Variants in BLTP3A observed in about 807,000 individuals in gnomAD.
BLTP3A encodes the protein bridge-like lipid transfer protein family member 3A.
the BLTP3A span, chr6:34,864,070 T>G: frequency 1.2e-6 from 2 of 1,614,034 alleles, no homozygotes; most frequent in Non-Finnish European, 8.5e-7. Flanking sequence ...CGACTCCGAT[T>G]TTTCTCCATG....
chr6:34,819,805 A>T, the BLTP3A span, among the ~76,000 whole-genome samples: 1 of 152,228 alleles, frequency 6.6e-6, no homozygotes, highest in Non-Finnish European at 1.5e-5. Context: ...GGACTGGAGC[A>T]GTGAGAAATA....
the BLTP3A span, chr6:34,871,616 A>G: frequency 1.2e-6 from 2 of 1,613,750 alleles, no homozygotes; most frequent in Middle Eastern, 1.7e-4. Context: ...CAACATCTCC[A>G]GGCCCCATCC....
chr6:34,851,303 A>C, the BLTP3A span, among the ~76,000 whole-genome samples: 2 of 152,282 alleles, frequency 1.3e-5, no homozygotes, highest in East Asian at 3.9e-4. Flanking sequence ...CCAAGTATTC[A>C]AAAGGAATTG....
At chr6:34,852,635 G>C in the BLTP3A span, among the ~76,000 whole-genome samples, 1 of 151,530 alleles carries the variant, frequency 6.6e-6, no homozygotes, top group Non-Finnish European at 1.5e-5. Flanking sequence ...GCATGGGGTT[G>C]GGGGAGGGGT....
At chr6:34,859,021 G>A in the BLTP3A span, 217 of 1,614,166 alleles carry the variant, frequency 1.3e-4, no homozygotes, top group Middle Eastern at 1.5e-3. Flanking sequence ...TCCTGCACCC[G>A]GTGCTGTCGA....
the BLTP3A span, among the ~76,000 whole-genome samples, chr6:34,863,338 C>T: frequency 6.6e-6 from 1 of 152,124 alleles, no homozygotes; most frequent in Admixed American, 6.5e-5. Context: ...CTTTATCTTC[C>T]ATTGCTCTCC....
At chr6:34,798,594 C>CTTTCTTTTTTTTTTT in the BLTP3A span, among the ~76,000 whole-genome samples, 8 of 94,498 alleles carry the variant, frequency 8.5e-5, no homozygotes, top group Non-Finnish European at 1.4e-4. Context: ...TTCTTTCTTT[C>CTTTCTTTTTTTTTTT]TTTTTTTTTT....
At chr6:34,859,247 T>C in the BLTP3A span, 3 of 1,613,938 alleles carry the variant, frequency 1.9e-6, no homozygotes, top group African/African-American at 4.0e-5. Flanking sequence ...GCCCAGCAGC[T>C]GGCAGGGAAG....
the BLTP3A span, among the ~76,000 whole-genome samples, chr6:34,816,374 G>A: frequency 5.3e-5 from 7 of 130,842 alleles, no homozygotes; most frequent in African/African-American, 1.7e-4. Flanking sequence ...GGAGGCTGAG[G>A]TGGGAGGATT....
the BLTP3A span, among the ~76,000 whole-genome samples, chr6:34,835,060 G>A: frequency 1.3e-5 from 2 of 152,092 alleles, no homozygotes; most frequent in Non-Finnish European, 2.9e-5. Context: ...TTTGGAAACT[G>A]CAATTTTTAC....
the BLTP3A span, among the ~76,000 whole-genome samples, chr6:34,851,439 A>T: frequency 6.6e-6 from 1 of 152,112 alleles, no homozygotes; most frequent in Non-Finnish European, 1.5e-5. Context: ...AATTCCCTGT[A>T]TTACCAGGCA....
chr6:34,866,360 G>A, the BLTP3A span, among the ~76,000 whole-genome samples: 5 of 151,166 alleles, frequency 3.3e-5, no homozygotes, highest in South Asian at 2.1e-4. Flanking sequence ...CCGAGATCAC[G>A]CCATTGCACT....
chr6:34,876,312 G>A, the BLTP3A span: 1 of 152,142 alleles, frequency 6.6e-6, no homozygotes, highest in African/African-American at 2.4e-5. Context: ...GAAAGGACTG[G>A]CTCCCGTGTG....
the BLTP3A span, chr6:34,857,342 GACAGCCAAGTAAAAAGCCATCT>G: frequency 6.2e-7 from 1 of 1,612,176 alleles, no homozygotes; most frequent in Non-Finnish European, 8.5e-7. Context: ...TCCACCGCTG[GACAGCCAAGTAAAAAGCCATCT>G]ACACTCCTTT....
At chr6:34,810,216 C>T in the BLTP3A span, among the ~76,000 whole-genome samples, 1 of 152,148 alleles carries the variant, frequency 6.6e-6, no homozygotes, top group Non-Finnish European at 1.5e-5. Flanking sequence ...TCATTAGTGG[C>T]ACATTGTGTG....
At chr6:34,857,069 T>C in the BLTP3A span, 3 of 1,217,850 alleles carry the variant, frequency 2.5e-6, no homozygotes, top group South Asian at 3.2e-5. Flanking sequence ...TCTGTTTCTT[T>C]CTGAGCATGG....
the BLTP3A span, among the ~76,000 whole-genome samples, chr6:34,799,747 A>G: frequency 6.6e-6 from 1 of 152,222 alleles, no homozygotes; most frequent in Non-Finnish European, 1.5e-5. Flanking sequence ...CTTCATCTGT[A>G]AAATGGGCAT....
chr6:34,832,716 C>T, the BLTP3A span, among the ~76,000 whole-genome samples: 238 of 151,012 alleles, frequency 1.6e-3, 2 homozygotes, highest in South Asian at 4.4e-3. Flanking sequence ...TCCTAAAGTG[C>T]TGGGATTACA....
the BLTP3A span, among the ~76,000 whole-genome samples, chr6:34,850,458 CCTT>C: frequency 3.6e-4 from 55 of 152,290 alleles, no homozygotes; most frequent in Non-Finnish European, 5.9e-4. Flanking sequence ...CCCAATGTCT[CCTT>C]CTACCTCCTC....
Sources: gnomAD v4.1 joint callset for allele counts (sites outside exome capture counted in the v4.1 genomes callset) on GRCh38, gnomAD v4.1.1 for gene constraint, MANE v1.5 for transcripts, NCBI Gene and HGNC (gene_info 2026-07-23, HGNC 2026-07-21) for gene names.